Variants in TARBP1 observed in about 807,000 individuals in gnomAD.
TARBP1 encodes tRNA guanosine 2 -O-methyltransferase TARBP1.
Under a neutral mutation model 178.6 loss-of-function variants are expected in TARBP1, and 144 were observed. The observed-to-expected ratio is 0.81, with a 90% CI of 0.70 to 0.93. The LOEUF (loss-of-function observed/expected upper bound fraction) is 0.93, where lower values mean the gene tolerates loss of function less well. TARBP1 is among the 40% of genes least tolerant of loss of function. The probability of loss-of-function intolerance (pLI) is 0.00; values close to 1 mark genes in which losing one functional copy is unlikely to be tolerated. For synonymous variants in TARBP1, 787 were observed against 781.0 expected, an observed-to-expected ratio of 1.01 and a Z score of -0.13; for missense variants, 2,067 against 2,011.7, an observed-to-expected ratio of 1.03 and a Z score of -0.53.
intron 5 of TARBP1, 94 bp from the exon 6 acceptor site, chr1:234,464,028 T>C (rs1668180093): frequency 4.9e-6 from 3 of 614,830 alleles, no homozygotes; most frequent in South Asian, 4.4e-5. Context: ...CCAAAAGTCT[T>C]TCAACAATAA....
chr1:234,477,537 T>C (rs1023698629), intron 1 of TARBP1, among the ~76,000 whole-genome samples: 15 of 152,242 alleles, frequency 9.9e-5, no homozygotes, highest in South Asian at 2.1e-4. Flanking sequence ...CGTAACAACT[T>C]GAAGGGAGGC....
chr1:234,435,792 C>G (rs1664965477), intron 13 of TARBP1, among the ~76,000 whole-genome samples: 1 of 152,182 alleles, frequency 6.6e-6, no homozygotes. Context: ...GGCGTAGCAG[C>G]AGACCCAGCC....
At chr1:234,456,124 A>G (rs559413062) in intron 9 of TARBP1, among the ~76,000 whole-genome samples, 1 of 152,364 alleles carries the variant, frequency 6.6e-6, no homozygotes, top group East Asian at 1.9e-4. Flanking sequence ...AAAATTATTG[A>G]AATACAGCAA....
intron 12 of TARBP1, among the ~76,000 whole-genome samples, chr1:234,443,206 C>G (rs1665772249): frequency 6.6e-6 from 1 of 151,358 alleles, no homozygotes; most frequent in African/African-American, 2.4e-5. Flanking sequence ...AGGACAATCA[C>G]TTGAACCCGG....
intron 22 of TARBP1, among the ~76,000 whole-genome samples, chr1:234,413,219 C>T (rs1300350290): frequency 6.6e-6 from 1 of 152,154 alleles, no homozygotes; most frequent in East Asian, 1.9e-4. Flanking sequence ...CCAGACAACA[C>T]ACACATCACG....
intron 13 of TARBP1, among the ~76,000 whole-genome samples, chr1:234,434,813 T>C (rs1377715270): frequency 1.3e-5 from 2 of 151,920 alleles, no homozygotes; most frequent in African/African-American, 4.8e-5. Flanking sequence ...CTTCAAAGGT[T>C]AGGGAGCAGA....
At position 234,420,696 on chromosome 1, in the gene TARBP1, T is replaced by C. The variant is rs747225562; in HGVS notation, c.3555+6A>G. The C allele has an allele frequency of 3.2e-6, 5 of 1,581,190 alleles. No individual in the cohort carries two copies. Among genetic ancestry groups the C allele is most frequent in the East Asian group, 4.5e-5 (2 of 44,312 alleles). ...CAAAGGTACAAATATAATAAAAATA[T>C]GATACCTGGTCAAGTCTAGGGAAAA... On this transcript the variant is annotated splice_donor_region_variant and intron_variant, in intron 21 of 29. Transcript: ENST00000040877.
chr1:234,426,426 C>T (rs917761993), intron 19 of TARBP1, among the ~76,000 whole-genome samples: 2 of 151,884 alleles, frequency 1.3e-5, no homozygotes. Flanking sequence ...ATTTGGCAAC[C>T]ACCAACTAGA....
chr1:234,391,820 T>C, intron 29 of TARBP1, 75 bp from the exon 30 acceptor site: 1 of 1,452,680 alleles, frequency 6.9e-7, no homozygotes, highest in Non-Finnish European at 9.4e-7. Flanking sequence ...TTTTTATTTT[T>C]TGTTTATTCA....
chr1:234,459,938 T>A (rs1667679875), intron 7 of TARBP1, among the ~76,000 whole-genome samples: 1 of 152,216 alleles, frequency 6.6e-6, no homozygotes, highest in African/African-American at 2.4e-5. Context: ...CTGTTAAATA[T>A]TATTGTTTGA....
chr1:234,466,288 G>A lies in TARBP1; in HGVS notation c.1249-580C>T, dbSNP rs545509345. Among the ~76,000 whole-genome samples, 3 of 152,246 alleles carry A rather than the reference G, an allele frequency of 2.0e-5. No individual in the cohort carries two copies. The East Asian group carries it at 5.8e-4, about 29-fold the overall frequency. ...GCACTTTGGGAGGCTGAGGTGGGCAGATCCCTTGAGGCCAGGATTTTGAGA... is the reference window on the plus strand; with the variant it reads ...GCACTTTGGGAGGCTGAGGTGGGCAAATCCCTTGAGGCCAGGATTTTGAGA... On this transcript the variant is annotated intron_variant, in intron 4 of 29. Transcript: ENST00000040877.
rs771078893 is a variant in TARBP1 at position 234,446,984 on chromosome 1, TA to T, written c.1962-10del. 2 of 1,610,922 alleles carry T rather than the reference TA, an allele frequency of 1.2e-6. No individual in the cohort carries two copies. The highest frequency in any genetic ancestry group is 2.7e-5 in the African/African-American group (2 of 74,766). ...CTGTTCTCTGCTTTCCGCTAGACAT[TA>T]AAAGACATGCCAAAATCAACCATTT... On this transcript the variant is annotated splice_polypyrimidine_tract_variant and intron_variant, in intron 11 of 29. Coordinates refer to ENST00000040877, the MANE Select transcript of TARBP1 (RefSeq NM_005646.4).
At chr1:234,450,795 G>GAA (rs1033689769) in intron 9 of TARBP1, among the ~76,000 whole-genome samples, 6 of 151,872 alleles carry the variant, frequency 4.0e-5, no homozygotes, top group African/African-American at 1.4e-4. Flanking sequence ...ATATATATGT[G>GAA]AGATATATAT....
At chr1:234,457,230 A>G (rs1166062987) in intron 9 of TARBP1, among the ~76,000 whole-genome samples, 1 of 152,226 alleles carries the variant, frequency 6.6e-6, no homozygotes, top group Admixed American at 6.5e-5. Flanking sequence ...GGAGGGTTTC[A>G]TGATGAATTG....
At position 234,391,525 on chromosome 1, in the gene TARBP1, G is replaced by GT. The variant is rs918720482; in HGVS notation, c.*51dup. ...AGAATCTGTTTCTTTAGTCCAAATA[G>GT]TTTTTTTTAAAAAAGTCTGAACAGC... On this transcript the variant is annotated 3_prime_UTR_variant, in exon 30 of 30. Transcript: ENST00000040877. 4.7e-5 allele frequency: 71 copies of GT among 1,508,534 alleles called. No homozygotes were observed. Among genetic ancestry groups the GT allele is most frequent in the African/African-American group, 9.8e-5 (7 of 71,162 alleles). The allele number at this position is 1,508,534 out of a possible 1,614,324, so 93.4% of individuals were successfully genotyped here. A position where few individuals can be genotyped will look rare whatever the true frequency, so the allele number is the denominator to read the frequency against.
chr1:234,445,502 C>T (rs1666060649), intron 12 of TARBP1, among the ~76,000 whole-genome samples: 1 of 152,098 alleles, frequency 6.6e-6, no homozygotes, highest in Admixed American at 6.5e-5. Context: ...GTGAAGGATA[C>T]GTCTATGGCC....
chr1:234,460,011 A>C (rs1667687425), intron 7 of TARBP1, among the ~76,000 whole-genome samples: 1 of 152,206 alleles, frequency 6.6e-6, no homozygotes, highest in African/African-American at 2.4e-5. Context: ...GGCCTTATTT[A>C]AAGAGGTCAA....
intron 1 of TARBP1, among the ~76,000 whole-genome samples, chr1:234,474,264 A>ACACG (rs1203603032): frequency 6.6e-6 from 1 of 150,488 alleles, no homozygotes; most frequent in East Asian, 1.9e-4. Flanking sequence ...ACACACACAC[A>ACACG]CACACACACA....
intron 13 of TARBP1, among the ~76,000 whole-genome samples, chr1:234,435,942 C>T (rs57711955): frequency 0.13 from 20,412 of 152,070 alleles, 1,525 homozygotes; most frequent in Middle Eastern, 0.26. Flanking sequence ...TAAACACTGA[C>T]CAGCACACTG....
Sources: gnomAD v4.1 joint callset for allele counts (sites outside exome capture counted in the v4.1 genomes callset) on GRCh38, gnomAD v4.1.1 for gene constraint, MANE v1.5 for transcripts, NCBI Gene and HGNC (gene_info 2026-07-23, HGNC 2026-07-21) for gene names.